Variants in OLAH observed in about 807,000 individuals in gnomAD.
The protein encoded by OLAH is S-acyl fatty acid synthase thioesterase, medium chain.
Under a neutral mutation model 27.8 loss-of-function variants are expected in OLAH, and 33 were observed. The ratio of observed to expected loss-of-function variants is 1.19; its 90% confidence interval spans 0.90 to 1.59. The LOEUF is 1.59. Among genes scored for constraint, OLAH ranks in the 40% most tolerant of loss-of-function variants. OLAH has a pLI of 0.00. For synonymous variants in OLAH, 120 were observed against 102.9 expected, an observed-to-expected ratio of 1.17 and a Z score of -1.01; for missense variants, 359 against 310.8, an observed-to-expected ratio of 1.16 and a Z score of -1.17.
At chr10:15,064,537 G>A in intron 5 of OLAH, 35 bp downstream of exon 5, 1 of 1,195,512 alleles carries the variant, frequency 8.4e-7, no homozygotes. Flanking sequence ...GAAGGGCAGT[G>A]GAGAGCAGGG....
intron 6 of OLAH, chr10:15,068,177 C>T (rs1269884776): frequency 6.6e-6 from 1 of 152,160 alleles, no homozygotes; most frequent in Non-Finnish European, 1.5e-5. Flanking sequence ...TCCCATTTGA[C>T]TCTCTTCTGG....
At chr10:15,048,214 G>C (rs1844058708) in intron 2 of OLAH, among the ~76,000 whole-genome samples, 1 of 152,046 alleles carries the variant, frequency 6.6e-6, no homozygotes, top group South Asian at 2.1e-4. Context: ...ATTATAAGTA[G>C]ATTTGTTTGT....
chr10:15,046,685 C>T (rs1441642646), intron 1 of OLAH, among the ~76,000 whole-genome samples: 6 of 152,204 alleles, frequency 3.9e-5, no homozygotes, highest in Non-Finnish European at 8.8e-5. Context: ...CCAGGCTGGT[C>T]TTGAACTCCT....
rs76933163 is a variant in OLAH at position 15,061,019 on chromosome 10, G to C, written c.164-705G>C. ...CATTGTTTCTGTTAGGCATCCTGAA[G>C]TGCTACTAGCCCAGGGTCATTTCAA... On this transcript the variant is annotated intron_variant, in intron 3 of 7. Coordinates refer to ENST00000378228, the MANE Select transcript of OLAH (RefSeq NM_001039702.3). 9.2e-3 allele frequency among the ~76,000 whole-genome samples: 1,408 copies of C among 152,244 alleles called. 17 individuals carry two copies. Among genetic ancestry groups the C allele is most frequent in the African/African-American group, 0.032 (1,350 of 41,550 alleles).
chr10:15,050,539 ATTTT>A (rs764081489), intron 3 of OLAH, among the ~76,000 whole-genome samples: 2 of 109,066 alleles, frequency 1.8e-5, no homozygotes, highest in African/African-American at 3.7e-5. Flanking sequence ...AAGTGCTAGG[ATTTT>A]TTTTTTTTTT....
intron 5 of OLAH, among the ~76,000 whole-genome samples, chr10:15,065,023 G>A (rs999934782): frequency 6.6e-6 from 1 of 152,198 alleles, no homozygotes; most frequent in Non-Finnish European, 1.5e-5. Context: ...CTGTTGAAAA[G>A]TCCCTTAAAT....
intron 7 of OLAH, 23 bp downstream of exon 7, chr10:15,071,900 G>C (rs1449210905): frequency 6.5e-7 from 1 of 1,549,410 alleles, no homozygotes; most frequent in East Asian, 2.2e-5. Flanking sequence ...TTAGTCTCGA[G>C]TATTGTATTG....
chr10:15,039,642 A>C (rs1026459336), upstream of OLAH, among the ~76,000 whole-genome samples: 7 of 152,194 alleles, frequency 4.6e-5, no homozygotes, highest in African/African-American at 1.7e-4. Context: ...CCCTTTCTCC[A>C]TGATTGTATC....
In OLAH at chr10:15,065,617, G is replaced by A. The variant is rs1323359731; in HGVS notation, c.436G>A (p.Glu146Lys). The change falls in exon 6 of 8, where the codon GAA becomes AAA. Residue 146 changes from glutamate to lysine, a missense_variant. By Grantham distance (56) the Glu-to-Lys change is moderately conservative (BLOSUM62 1). Transcript: ENST00000378228. ...KAWHRIPKDD[E>K]LSEEQISHYL... is the part of the protein sequence containing the mutation. ...CTGGCATCGCATTCCCAAAGATGATGAATTGTCAGAAGAACAAATAAGTCA... is the reference window on the plus strand; with the variant it reads ...CTGGCATCGCATTCCCAAAGATGATAAATTGTCAGAAGAACAAATAAGTCA... 6 of 1,612,270 alleles carry A rather than the reference G, an allele frequency of 3.7e-6. No individual in the cohort carries two copies. In the Admixed American group the frequency reaches 8.4e-5, roughly 23 times the overall value.
intron 1 of OLAH, 64 bp from the exon 2 acceptor site, chr10:15,047,059 CACT>C: frequency 2.2e-6 from 1 of 458,834 alleles, no homozygotes; most frequent in Non-Finnish European, 3.9e-6. Context: ...TTGTCATCAC[CACT>C]GTCATTTTTT....
At chr10:15,034,804 C>CTTTTT (rs71505056) in intron 1 of OLAH, among the ~76,000 whole-genome samples, 2 of 83,462 alleles carry the variant, frequency 2.4e-5, no homozygotes, top group African/African-American at 3.5e-5. Flanking sequence ...TTCTTTCTTT[C>CTTTTT]TTTTTTTTTT....
At chr10:15,033,966 G>A (rs1843798125) in intron 1 of OLAH, among the ~76,000 whole-genome samples, 1 of 152,080 alleles carries the variant, frequency 6.6e-6, no homozygotes, top group Non-Finnish European at 1.5e-5. Context: ...AAGGAAGAAG[G>A]AGGGGGAGGG....
At chr10:15,049,135 CAA>C (rs1245857554) in intron 2 of OLAH, among the ~76,000 whole-genome samples, 1 of 77,688 alleles carries the variant, frequency 1.3e-5, no homozygotes. Flanking sequence ...ACTATGTCTC[CAA>C]AAAAAAAAAA....
At chr10:15,070,735 C>T (rs2131381189) in intron 6 of OLAH, among the ~76,000 whole-genome samples, 1 of 151,816 alleles carries the variant, frequency 6.6e-6, no homozygotes. Flanking sequence ...CCCACCTCGG[C>T]CCCCCAAAGT....
intron 1 of OLAH, among the ~76,000 whole-genome samples, chr10:15,038,873 T>A (rs1024330326): frequency 2.0e-5 from 3 of 152,188 alleles, no homozygotes; most frequent in Non-Finnish European, 4.4e-5. Context: ...TCATTTGGGC[T>A]GTTAGTACCA....
chr10:15,064,308 T>C (rs1832561286), intron 4 of OLAH, 95 bp from the exon 5 acceptor site: 4 of 692,924 alleles, frequency 5.8e-6, no homozygotes, highest in Non-Finnish European at 1.0e-5. Context: ...TACATGATCA[T>C]TGTTGTGTTT....
chr10:15,061,587 CT>C (rs1201216154), intron 3 of OLAH, 136 bp from the exon 4 acceptor site: 3 of 717,208 alleles, frequency 4.2e-6, no homozygotes, highest in African/African-American at 1.8e-5. Flanking sequence ...AATTCTAAAA[CT>C]TTTACCTTGC....
chr10:15,053,449 G>A lies in OLAH; in HGVS notation c.163+3684G>A, dbSNP rs1221413680. On this transcript the variant is annotated intron_variant, in intron 3 of 7. Coordinates refer to ENST00000378228, the MANE Select transcript of OLAH (RefSeq NM_001039702.3). Reference sequence around the variant, plus strand: ...TCCTTCTTCCAGAAAAACTAGTAAGGGAAAAACACTTTCAGTGAGCATGCA... The same window carrying A: ...TCCTTCTTCCAGAAAAACTAGTAAGAGAAAAACACTTTCAGTGAGCATGCA... Among the ~76,000 whole-genome samples, 6 of 152,198 alleles carry A rather than the reference G, an allele frequency of 3.9e-5. No homozygotes were observed. The South Asian group carries it at 1.2e-3, about 32-fold the overall frequency.
chr10:15,052,722 G>A (rs567454822), intron 3 of OLAH, among the ~76,000 whole-genome samples: 1 of 150,536 alleles, frequency 6.6e-6, no homozygotes, highest in Admixed American at 6.7e-5. Flanking sequence ...TTGTTTGGAG[G>A]GCTTTTCTTT....
Sources: allele counts gnomAD v4.1 joint callset (sites outside exome capture counted in the v4.1 genomes callset), GRCh38; gene constraint gnomAD v4.1.1; transcripts MANE v1.5; gene names NCBI Gene and HGNC (gene_info 2026-07-23, HGNC 2026-07-21).